The following NT5E variants were observed in gnomAD, a reference collection of about 807,000 sequenced individuals.
The protein encoded by NT5E is 5'-nucleotidase.
In NT5E, 53 loss-of-function variants were observed where a neutral mutation model predicts 55.1. That is an observed-to-expected ratio of 0.96 (90% CI 0.77 to 1.21). The LOEUF (loss-of-function observed/expected upper bound fraction) is 1.21. NT5E is among the 50% of genes most tolerant of loss of function. The probability of loss-of-function intolerance (pLI) is 0.00; values close to 1 mark genes in which losing one functional copy is unlikely to be tolerated. For synonymous variants in NT5E, 270 were observed against 278.4 expected (o/e 0.97, Z 0.30); for missense variants, 683 against 724.3 (o/e 0.94, Z 0.65).
Position 85,450,823 on chromosome 6 carries a change from A to G in NT5E, c.339+345A>G, listed in dbSNP as rs1193004874. ...TCACGCAGCTCTCATTTACTGCTAG[A>G]TCTTTCAAAGAATGCTTTATCTCAA... On this transcript the variant is annotated intron_variant, in intron 1 of 8. Transcript: ENST00000257770. This position sits in a 1 kb window ranked among gnomAD's most constrained non-coding sequence, Gnocchi z 4.0. Among the ~76,000 whole-genome samples the G allele has an allele frequency of 1.3e-5, 2 of 152,214 alleles. No individual in the cohort carries two copies. The highest frequency in any genetic ancestry group is 1.3e-4 in the Admixed American group (2 of 15,274).
At chr6:85,462,615 C>T (rs115122099) in intron 1 of NT5E, among the ~76,000 whole-genome samples, 5 of 152,330 alleles carry the variant, frequency 3.3e-5, no homozygotes, top group African/African-American at 7.2e-5. Flanking sequence ...ACCCTATGTT[C>T]TCTGTGACAC....
At chr6:85,451,036 A>G (rs945926068) in intron 1 of NT5E, among the ~76,000 whole-genome samples, 3 of 152,194 alleles carry the variant, frequency 2.0e-5, no homozygotes, top group Non-Finnish European at 2.9e-5. Flanking sequence ...TCTCTGTTCA[A>G]TTACCTTCTA....
chr6:85,491,884 C>A, intron 7 of NT5E, 93 bp from the exon 8 acceptor site: 2 of 1,081,142 alleles, frequency 1.8e-6, no homozygotes, highest in South Asian at 1.3e-5. Context: ...AAAACCACAG[C>A]CCCATGCCCC....
chr6:85,474,779 T>A (rs1045781359), intron 3 of NT5E, among the ~76,000 whole-genome samples: 17 of 152,168 alleles, frequency 1.1e-4, no homozygotes, highest in Middle Eastern at 3.4e-3. Context: ...AAAAAATTTT[T>A]AAAAATTAGC....
At chr6:85,454,214 A>G (rs555252411) in intron 1 of NT5E, among the ~76,000 whole-genome samples, 25 of 152,368 alleles carry the variant, frequency 1.6e-4, no homozygotes, top group Admixed American at 3.3e-4. Flanking sequence ...ATTTCTACCC[A>G]GGAGCAGAAT....
chr6:85,473,341 A>G (rs1769356669), intron 3 of NT5E, among the ~76,000 whole-genome samples: 1 of 152,202 alleles, frequency 6.6e-6, no homozygotes, highest in Non-Finnish European at 1.5e-5. Context: ...ATGAATGTAT[A>G]GGTAAATGGC....
intron 1 of NT5E, among the ~76,000 whole-genome samples, chr6:85,455,735 G>A (rs945720103): frequency 6.6e-6 from 1 of 152,184 alleles, no homozygotes; most frequent in African/African-American, 2.4e-5. Context: ...GTAGGATTGA[G>A]CCCTTAACCT....
chr6:85,485,547 G>A, intron 4 of NT5E, 115 bp downstream of exon 4: 1 of 1,062,772 alleles, frequency 9.4e-7, no homozygotes, highest in South Asian at 1.3e-5. Flanking sequence ...TACTGTTGAA[G>A]AATTTAGTTT....
rs9450284 is a variant in NT5E at position 85,489,611 on chromosome 6, G to T, written c.1210+12G>T. ...TGAACGCAACAATGGTATGCTCCCA[G>T]GCCCAGCTCCTCAGTGTGTCATGTT... On this transcript the variant is annotated intron_variant, in intron 6 of 8. Transcript: ENST00000257770. 2.7e-5 allele frequency: 43 copies of T among 1,587,844 alleles called. No individual in the cohort carries two copies. The highest frequency in any genetic ancestry group is 6.7e-5 in the Admixed American group (4 of 59,768).
At chr6:85,474,680 G>A (rs1769389450) in intron 3 of NT5E, among the ~76,000 whole-genome samples, 1 of 152,182 alleles carries the variant, frequency 6.6e-6, no homozygotes, top group Admixed American at 6.5e-5. Flanking sequence ...TATAATCCCA[G>A]AATTTTGGGA....
intron 5 of NT5E, 27 bp downstream of exon 5, chr6:85,487,516 T>C (rs765357298): frequency 1.9e-6 from 3 of 1,613,642 alleles, no homozygotes; most frequent in South Asian, 1.1e-5. Context: ...AGTGGACATA[T>C]GCTAGGGAGG....
intron 3 of NT5E, among the ~76,000 whole-genome samples, chr6:85,484,674 A>T (rs1272322728): frequency 1.3e-5 from 2 of 152,166 alleles, no homozygotes; most frequent in Non-Finnish European, 2.9e-5. Context: ...TTAAGCTCCG[A>T]AGTATATGTC....
At position 85,450,482 on chromosome 6, in the gene NT5E, A is replaced by G; in HGVS notation, c.339+4A>G. On this transcript the variant is annotated splice_donor_region_variant and intron_variant, in intron 1 of 8. Coordinates refer to ENST00000257770, the MANE Select transcript of NT5E (RefSeq NM_002526.4). This position sits in a 1 kb window ranked among gnomAD's most constrained non-coding sequence, Gnocchi z 4.0. ...CGCCCTGCGCTACGATGCCATGGTA[A>G]GACCCGAGCCCGCGCCCGGGATAGT... is the stretch of plus-strand genomic sequence containing the variant. The G allele has an allele frequency of 6.3e-7, 1 of 1,585,542 alleles. No homozygotes were observed. The highest frequency in any genetic ancestry group is 8.6e-7 in the Non-Finnish European group (1 of 1,166,956).
At position 85,450,370 on chromosome 6, in the gene NT5E, C is replaced by G; in HGVS notation, c.231C>G (p.Asn77Lys). ...KVQQIRRAEP[N>K]VLLLDAGDQY... ...AGCAGATCCGCCGCGCCGAACCCAA[C>G]GTGCTGCTGCTGGACGCCGGCGACC... The change falls in exon 1 of 9, where the codon AAC becomes AAG. Residue 77 changes from asparagine (N) to lysine (K), a missense_variant. By Grantham distance (94) the Asn-to-Lys change is moderately conservative. Coordinates refer to ENST00000257770, the MANE Select transcript of NT5E (RefSeq NM_002526.4). This position sits in a 1 kb window ranked among gnomAD's most constrained non-coding sequence, Gnocchi z 4.0. 1 of 1,597,816 alleles carries G rather than the reference C, an allele frequency of 6.3e-7. No individual in the cohort carries two copies. Among genetic ancestry groups the G allele is most frequent in the Non-Finnish European group, 8.5e-7 (1 of 1,173,432 alleles).
intron 4 of NT5E, 98 bp from the exon 5 acceptor site, chr6:85,487,237 T>A (rs1194224840): frequency 8.9e-7 from 1 of 1,120,998 alleles, no homozygotes; most frequent in East Asian, 2.4e-5. Context: ...AACAAATATG[T>A]TCTCACAGCA....
intron 4 of NT5E, among the ~76,000 whole-genome samples, chr6:85,486,303 A>C (rs1031059996): frequency 1.3e-5 from 2 of 152,202 alleles, no homozygotes; most frequent in Non-Finnish European, 2.9e-5. Context: ...GATTAGCAAG[A>C]TATTAATCAG....
chr6:85,476,014 T>A (rs1189233955), intron 3 of NT5E, among the ~76,000 whole-genome samples: 2 of 152,198 alleles, frequency 1.3e-5, no homozygotes, highest in East Asian at 3.9e-4. Context: ...GGCTCAGACC[T>A]TCTGTCCCCT....
intron 2 of NT5E, among the ~76,000 whole-genome samples, chr6:85,468,761 A>G (rs192089275): frequency 6.6e-6 from 1 of 152,040 alleles, no homozygotes; most frequent in East Asian, 1.9e-4. Flanking sequence ...TTTAAAAGGC[A>G]CCCATAAGGA....
At chr6:85,467,003 G>A in intron 1 of NT5E, 57 bp from the exon 2 acceptor site, 1 of 1,481,564 alleles carries the variant, frequency 6.7e-7, no homozygotes, top group Non-Finnish European at 9.4e-7. Flanking sequence ...AGAAATACTG[G>A]ACTAATGTTA....
Sources: gnomAD v4.1 joint callset for allele counts (sites outside exome capture counted in the v4.1 genomes callset) on GRCh38, gnomAD v4.1.1 for gene constraint, Gnocchi (gnomAD v3.1) non-coding constraint, MANE v1.5 for transcripts, NCBI Gene and HGNC (gene_info 2026-07-23, HGNC 2026-07-21) for gene names.